The following FAT3 variants were observed in gnomAD, a reference collection of about 807,000 sequenced individuals.
FAT3 encodes the protein FAT atypical cadherin 3, also known as protocadherin Fat 3.
In FAT3, 95 loss-of-function variants were observed where a neutral mutation model predicts 310.2. The observed-to-expected ratio is 0.31, with a 90% confidence interval of 0.26 to 0.36. The LOEUF is 0.36. Ranked by LOEUF, FAT3 falls within the 10% of genes least tolerant of loss-of-function variation. FAT3 has a pLI of 1.00. For missense variants in FAT3, 5,408 were observed against 5,715.6 expected (o/e 0.95, Z 1.74); for synonymous variants, 2,314 against 2,192.9 (o/e 1.06, Z -1.54).
chr11:92,313,708 C>A (rs1400358123), intron 1 of FAT3, among the ~76,000 whole-genome samples: 1 of 152,102 alleles, frequency 6.6e-6, no homozygotes, highest in Non-Finnish European at 1.5e-5. Context: ...TACAGGCATG[C>A]GCCAACATGC....
chr11:92,246,509 A>C (rs1864914920), intron 1 of FAT3, among the ~76,000 whole-genome samples: 1 of 152,104 alleles, frequency 6.6e-6, no homozygotes, highest in South Asian at 2.1e-4. Context: ...AAGGGGAACT[A>C]TTTGCTCTAA....
intron 1 of FAT3, among the ~76,000 whole-genome samples, chr11:92,339,188 G>T (rs761433824): frequency 6.6e-6 from 1 of 152,080 alleles, no homozygotes; most frequent in South Asian, 2.1e-4. Flanking sequence ...GTGTTTTGGG[G>T]GCTGTCCTGG....
intron 1 of FAT3, among the ~76,000 whole-genome samples, chr11:92,312,032 C>T (rs1441644618): frequency 6.6e-6 from 1 of 152,106 alleles, no homozygotes; most frequent in African/African-American, 2.4e-5. Flanking sequence ...ATCAATTTTT[C>T]TTCTCTTCCA....
intron 2 of FAT3, among the ~76,000 whole-genome samples, chr11:92,412,017 A>G (rs1428344219): frequency 1.3e-5 from 2 of 152,118 alleles, no homozygotes; most frequent in African/African-American, 2.4e-5. Flanking sequence ...CCCCAAAGAT[A>G]TAAAGAACCA....
At chr11:92,614,900 T>C (rs1940728470) in intron 3 of FAT3, among the ~76,000 whole-genome samples, 1 of 152,214 alleles carries the variant, frequency 6.6e-6, no homozygotes, top group African/African-American at 2.4e-5. Context: ...TGAGTAGAGA[T>C]CCAACTTCAT....
intron 2 of FAT3, among the ~76,000 whole-genome samples, chr11:92,365,045 A>AC (rs1948981199): frequency 6.6e-6 from 1 of 152,188 alleles, no homozygotes; most frequent in South Asian, 2.1e-4. Context: ...GGATTGCTTG[A>AC]TTCCAGGAGT....
rs145822788 is a variant in FAT3, at chr11:92,805,829, G to A, written c.9093+480G>A. On this transcript the variant is annotated intron_variant, in intron 11 of 27. Transcript: ENST00000525166. ...ATGCCATTGCAAGGTACAAGTACTA[G>A]ATTTTATTTTCTCTCATACTGAAAT... Among the ~76,000 whole-genome samples, 134 of 152,218 alleles carry A rather than the reference G, an allele frequency of 8.8e-4. 1 individual carries two copies. Among genetic ancestry groups the A allele is most frequent in the African/African-American group, 2.8e-3 (118 of 41,532 alleles).
At chr11:92,733,732 G>C (rs748801736) in intron 4 of FAT3, among the ~76,000 whole-genome samples, 17 of 152,006 alleles carry the variant, frequency 1.1e-4, no homozygotes, top group Non-Finnish European at 2.5e-4. Context: ...TGCAAGGGGG[G>C]CAAAAAAGTG....
At chr11:92,244,858 T>A (rs955997499) in intron 1 of FAT3, among the ~76,000 whole-genome samples, 2 of 152,108 alleles carry the variant, frequency 1.3e-5, no homozygotes, top group East Asian at 3.9e-4. Flanking sequence ...TTGGAGAGGA[T>A]GTGGAGAAAT....
intron 1 of FAT3, among the ~76,000 whole-genome samples, chr11:92,265,822 C>A (rs1214062628): frequency 6.6e-6 from 1 of 152,058 alleles, no homozygotes; most frequent in African/African-American, 2.4e-5. Flanking sequence ...ACTCTACCCT[C>A]ATGATTTAAT....
chr11:92,854,581 AG>A (rs1297112284), intron 19 of FAT3, among the ~76,000 whole-genome samples: 3 of 152,270 alleles, frequency 2.0e-5, no homozygotes, highest in Non-Finnish European at 4.4e-5. Flanking sequence ...TGTGAATAAA[AG>A]GTAGAAGTAC....
intron 2 of FAT3, among the ~76,000 whole-genome samples, chr11:92,380,547 A>T (rs1949471067): frequency 1.3e-5 from 2 of 152,128 alleles, no homozygotes; most frequent in African/African-American, 4.8e-5. Flanking sequence ...AGGCATAATT[A>T]TCCACACTTC....
chr11:92,523,921 T>G (rs1209492008), intron 2 of FAT3, among the ~76,000 whole-genome samples: 1 of 152,156 alleles, frequency 6.6e-6, no homozygotes, highest in Non-Finnish European at 1.5e-5. Flanking sequence ...GCTCCTAATT[T>G]AAAATGATTG....
At chr11:92,363,581 G>A (rs7121747) in intron 2 of FAT3, among the ~76,000 whole-genome samples, 3,822 of 152,194 alleles carry the variant, frequency 0.025, 177 homozygotes, top group African/African-American at 0.088. Context: ...TGGTGGCTTT[G>A]GTTTAATTCA....
At chr11:92,803,128 G>GA (rs11420322) in intron 10 of FAT3, among the ~76,000 whole-genome samples, 48,315 of 150,588 alleles carry the variant, frequency 0.32, 7,925 homozygotes, top group Non-Finnish European at 0.33. Context: ...TTATTTTCAG[G>GA]AAAAAAAAAG....
At chr11:92,760,942 C>G (rs1240422989) in intron 4 of FAT3, among the ~76,000 whole-genome samples, 1 of 152,158 alleles carries the variant, frequency 6.6e-6, no homozygotes, top group African/African-American at 2.4e-5. Context: ...ATCCCCCTCC[C>G]ATTTTCCAGA....
At chr11:92,312,816 CT>C (rs1490914219) in intron 1 of FAT3, among the ~76,000 whole-genome samples, 2 of 152,130 alleles carry the variant, frequency 1.3e-5, no homozygotes, top group African/African-American at 2.4e-5. Flanking sequence ...GACCTAAGTG[CT>C]TGTTTTTCCC....
At chr11:92,772,884 C>G (rs915993087) in intron 6 of FAT3, among the ~76,000 whole-genome samples, 1 of 151,928 alleles carries the variant, frequency 6.6e-6, no homozygotes, top group South Asian at 2.1e-4. Flanking sequence ...CTATTCGTAA[C>G]TGTTATATAA....
intron 3 of FAT3, among the ~76,000 whole-genome samples, chr11:92,528,472 C>T (rs931144829): frequency 3.3e-5 from 5 of 152,146 alleles, no homozygotes; most frequent in South Asian, 4.1e-4. Flanking sequence ...CTGCAAGCTC[C>T]GCCTCCCGAG....
Sources: allele counts gnomAD v4.1 joint callset (sites outside exome capture counted in the v4.1 genomes callset), GRCh38; gene constraint gnomAD v4.1.1; transcripts MANE v1.5; gene names NCBI Gene and HGNC (gene_info 2026-07-23, HGNC 2026-07-21).